TNRC6A: variants seen among roughly 807,000 people sequenced by gnomAD.
TNRC6A encodes trinucleotide repeat containing adaptor 6A.
Under a neutral mutation model 221.2 loss-of-function variants are expected in TNRC6A, and 44 were observed. That is an observed-to-expected ratio of 0.20 (90% CI 0.16 to 0.26). The LOEUF (loss-of-function observed/expected upper bound fraction) is 0.26, where lower values mean the gene tolerates loss of function less well. Ranked by LOEUF, TNRC6A falls within the 10% of genes least tolerant of loss-of-function variation. The pLI, the probability that TNRC6A is intolerant of heterozygous loss-of-function variation, is 1.00. For missense variants in TNRC6A, 2,199 were observed against 2,404.4 expected (o/e 0.91, Z 1.79); for synonymous variants, 847 against 838.5 (o/e 1.01, Z -0.18).
chr16:24,751,257 A>G (rs2057130839), intron 3 of TNRC6A, among the ~76,000 whole-genome samples: 2 of 152,154 alleles, frequency 1.3e-5, no homozygotes, highest in Admixed American at 6.5e-5. Context: ...AGATGATGTT[A>G]TTATATGTAA....
rs776319611 is a variant in TNRC6A at position 24,815,379 on chromosome 16, C to T, written c.4831+74C>T. On this transcript the variant is annotated intron_variant, in intron 19 of 24. Transcript: ENST00000395799. The stretch of plus-strand genomic sequence containing the variant: ...GGTTTTGTTACATCTGGACTTACTA[C>T]TGATGTAGCCCAGATCGGCGTGCTT... The T allele has an allele frequency of 3.3e-6, 5 of 1,530,764 alleles. No individual in the cohort carries two copies. In the East Asian group the frequency reaches 9.3e-5, roughly 29 times the overall value. The allele number at this position is 1,530,764 out of a possible 1,614,324, so 94.8% of individuals were successfully genotyped here.
chr16:24,621,570 C>T lies in TNRC6A; in HGVS notation n.276+11086C>T, dbSNP rs530374409. On this transcript the variant is annotated intron_variant and non_coding_transcript_variant, in intron 1 of 2. Coordinates refer to the TNRC6A transcript ENST00000566108. Reference sequence around the variant, plus strand: ...GCGGGGTTTCATCGTGTTGTCCAGGCTGGTCTCGAACTCCTGACCTCAGAT... The same window carrying T: ...GCGGGGTTTCATCGTGTTGTCCAGGTTGGTCTCGAACTCCTGACCTCAGAT... Among the ~76,000 whole-genome samples the T allele has an allele frequency of 3.3e-3, 500 of 152,042 alleles. 2 individuals are homozygous for T. Among genetic ancestry groups the T allele is most frequent in the Non-Finnish European group, 6.0e-3 (410 of 67,988 alleles).
chr16:24,684,418 T>C (rs1351658671), intron 2 of TNRC6A, among the ~76,000 whole-genome samples: 1 of 149,314 alleles, frequency 6.7e-6, no homozygotes, highest in Non-Finnish European at 1.5e-5. Context: ...AACAAAAACA[T>C]AACACAATTT....
In TNRC6A at chr16:24,729,854, G is replaced by A; in HGVS notation, c.5+8G>A. On this transcript the variant is annotated splice_region_variant and intron_variant, in intron 1 of 24. Transcript: ENST00000395799. ...GCACTTTACACACATGAGGTGAGCGGAACAAGGGCCTCCCTCCGGGCGGGA... is the reference window on the plus strand; with the variant it reads ...GCACTTTACACACATGAGGTGAGCGAAACAAGGGCCTCCCTCCGGGCGGGA... 7.6e-7 allele frequency: 1 copy of A among 1,307,632 alleles called. No homozygotes were observed. The highest frequency in any genetic ancestry group is 3.2e-5 in the East Asian group (1 of 30,924). The allele number at this position is 1,307,632 out of a possible 1,614,324, so 81.0% of individuals were successfully genotyped here.
At chr16:24,642,626 TC>T (rs1902011376) in intron 2 of TNRC6A, among the ~76,000 whole-genome samples, 1 of 152,094 alleles carries the variant, frequency 6.6e-6, no homozygotes, top group African/African-American at 2.4e-5. Context: ...CAGACCAGCC[TC>T]GCCAACATGG....
At chr16:24,821,911 C>T (rs2058773114) in intron 22 of TNRC6A, 166 bp from the exon 23 acceptor site, 1 of 642,866 alleles carries the variant, frequency 1.6e-6, no homozygotes, top group Non-Finnish European at 2.8e-6. Flanking sequence ...GAGTTAATGC[C>T]TGGCCATGGC....
chr16:24,736,604 A>G (rs916720360), intron 2 of TNRC6A, among the ~76,000 whole-genome samples: 1 of 152,102 alleles, frequency 6.6e-6, no homozygotes, highest in East Asian at 1.9e-4. Flanking sequence ...TGAAATTTGC[A>G]TTTTTTGGGT....
intron 2 of TNRC6A, among the ~76,000 whole-genome samples, chr16:24,710,922 C>T (rs1250363711): frequency 6.6e-6 from 1 of 151,046 alleles, no homozygotes; most frequent in Non-Finnish European, 1.5e-5. Context: ...GCCGCCCAGG[C>T]TGGAGTGCAG....
rs116684484 is a variant in TNRC6A at position 24,697,042 on chromosome 16, C to A, written n.403-53684C>A. ...TAGTTAGTGAGTGACTATGGTTCACCGTAGCTTATTGCATATTTTCAGAAA... is the reference window on the plus strand; with the variant it reads ...TAGTTAGTGAGTGACTATGGTTCACAGTAGCTTATTGCATATTTTCAGAAA... On this transcript the variant is annotated intron_variant and non_coding_transcript_variant, in intron 2 of 2. Transcript: ENST00000566108. Among the ~76,000 whole-genome samples the A allele has an allele frequency of 3.3e-5, 5 of 152,148 alleles. No homozygotes were observed. The South Asian group carries it at 1.0e-3, about 32-fold the overall frequency.
At chr16:24,655,433 A>C (rs1261653451) in intron 2 of TNRC6A, among the ~76,000 whole-genome samples, 1 of 152,238 alleles carries the variant, frequency 6.6e-6, no homozygotes. Context: ...TCATGCCTGT[A>C]ATCCCAGCAC....
chr16:24,790,873 G>A lies in TNRC6A; in HGVS notation c.2231G>A (p.Arg744Gln), dbSNP rs753463751. 16 of 1,614,100 alleles carry A rather than the reference G, an allele frequency of 9.9e-6. No individual in the cohort carries two copies. Among genetic ancestry groups the A allele is most frequent in the Admixed American group, 3.3e-5 (2 of 60,018 alleles). ...ACAGAAACATCACCTAGAGGGGAAC[G>A]AAAGACTGACAATGGGACAGAGGCC... is the stretch of plus-strand genomic sequence containing the variant. ...WDTETSPRGE[R>Q]KTDNGTEAWG... The change falls in exon 6 of 25, where the codon CGA (arginine) becomes CAA (glutamine). Residue 744 changes from arginine (R) to glutamine (Q), a missense_variant. This residue lies in a region of TNRC6A where 1,405 missense variants were observed against 1,400.2 expected (regional missense o/e 1.00). Transcript: ENST00000395799.
intron 2 of TNRC6A, among the ~76,000 whole-genome samples, chr16:24,666,267 A>G (rs1002191166): frequency 5.9e-5 from 9 of 151,698 alleles, no homozygotes; most frequent in Admixed American, 3.9e-4. Context: ...AGGAGATTGA[A>G]ACCATCCTGG....
chr16:24,720,703 A>G (rs2056393853), intron 2 of TNRC6A, among the ~76,000 whole-genome samples: 1 of 147,260 alleles, frequency 6.8e-6, no homozygotes, highest in Admixed American at 6.7e-5. Flanking sequence ...AAAAAAAAAA[A>G]AAAAGAAAGA....
chr16:24,735,362 T>C (rs1042261526), intron 2 of TNRC6A, among the ~76,000 whole-genome samples: 1 of 152,240 alleles, frequency 6.6e-6, no homozygotes, highest in Non-Finnish European at 1.5e-5. Context: ...ATCCCACTCA[T>C]GCAATTCATC....
chr16:24,740,736 C>T (rs986665923), intron 2 of TNRC6A, among the ~76,000 whole-genome samples: 1 of 152,096 alleles, frequency 6.6e-6, no homozygotes. Context: ...CAGCCATCAC[C>T]ACCATCCACC....
At chr16:24,794,435 C>G in intron 7 of TNRC6A, 109 bp from the exon 8 acceptor site, 1 of 1,114,316 alleles carries the variant, frequency 9.0e-7, no homozygotes, top group East Asian at 2.6e-5. Context: ...TAAGTGTGCA[C>G]GTGTGTGTTT....
intron 2 of TNRC6A, among the ~76,000 whole-genome samples, chr16:24,741,761 A>C (rs1313814783): frequency 6.6e-6 from 1 of 152,184 alleles, no homozygotes; most frequent in Non-Finnish European, 1.5e-5. Flanking sequence ...CCTTCTTTGC[A>C]TCCTAACCTT....
intron 1 of TNRC6A, among the ~76,000 whole-genome samples, chr16:24,621,636 A>T (rs1240456198): frequency 6.6e-6 from 1 of 151,860 alleles, no homozygotes; most frequent in Non-Finnish European, 1.5e-5. Flanking sequence ...GGGATTACAG[A>T]TGTGAGCCAC....
At chr16:24,708,483 C>T (rs892520387) in intron 2 of TNRC6A, among the ~76,000 whole-genome samples, 1 of 151,994 alleles carries the variant, frequency 6.6e-6, no homozygotes, top group Non-Finnish European at 1.5e-5. Flanking sequence ...CTTGGTGATC[C>T]GCCAGTCTCG....
Sources: gnomAD v4.1 joint callset for allele counts (sites outside exome capture counted in the v4.1 genomes callset) on GRCh38, gnomAD v4.1.1 for gene constraint, gnomAD v4.1.1 regional missense constraint, MANE v1.5 for transcripts, NCBI Gene and HGNC (gene_info 2026-07-23, HGNC 2026-07-21) for gene names.